Variants in PTPN1 observed in about 807,000 individuals in gnomAD.
PTPN1 encodes the protein tyrosine-protein phosphatase non-receptor type 1.
A neutral mutation model predicts 59.9 loss-of-function variants in PTPN1; 12 were observed. That is an observed-to-expected ratio of 0.20 (90% CI 0.13 to 0.32). The LOEUF (loss-of-function observed/expected upper bound fraction) is 0.32. Among genes scored for constraint, PTPN1 ranks in the 10% least tolerant of loss-of-function variants. The pLI is 1.00. For missense variants in PTPN1, 356 were observed against 549.2 expected (o/e 0.65, Z 3.52); for synonymous variants, 178 against 203.6 (o/e 0.87, Z 1.07).
chr20:50,538,803 C>T (rs1277903040), intron 1 of PTPN1, among the ~76,000 whole-genome samples: 1 of 152,062 alleles, frequency 6.6e-6, no homozygotes, highest in Admixed American at 6.6e-5. Context: ...AGCTAATATT[C>T]ATTTCTTCTC....
At chr20:50,569,646 T>G (rs1003274068) in intron 4 of PTPN1, among the ~76,000 whole-genome samples, 3 of 152,002 alleles carry the variant, frequency 2.0e-5, no homozygotes, top group Non-Finnish European at 2.9e-5. Flanking sequence ...GTGTAGACTG[T>G]CCTGTGTAGA....
At chr20:50,534,772 C>T (rs1242234316) in intron 1 of PTPN1, among the ~76,000 whole-genome samples, 1 of 152,096 alleles carries the variant, frequency 6.6e-6, no homozygotes, top group Non-Finnish European at 1.5e-5. Context: ...GTCACCCAGG[C>T]TGGAGTGCAG....
intron 1 of PTPN1, among the ~76,000 whole-genome samples, chr20:50,513,809 T>G (rs1325557530): frequency 1.3e-5 from 2 of 152,202 alleles, no homozygotes; most frequent in Non-Finnish European, 2.9e-5. Context: ...GCCAATAATG[T>G]TTATTTAAAT....
intron 1 of PTPN1, among the ~76,000 whole-genome samples, chr20:50,555,926 G>GA (rs1184966598): frequency 6.6e-6 from 1 of 152,058 alleles, no homozygotes; most frequent in Non-Finnish European, 1.5e-5. Flanking sequence ...CAGCTGGACT[G>GA]ACCAGATTGT....
At chr20:50,574,778 G>A in intron 5 of PTPN1, 124 bp downstream of exon 5, 1 of 1,291,982 alleles carries the variant, frequency 7.7e-7, no homozygotes, top group African/African-American at 1.5e-5. Flanking sequence ...AGCAAGATGT[G>A]GTTTGGGCAC....
Position 50,552,101 on chromosome 20 carries a change from G to C in PTPN1, c.64-9262G>C, listed in dbSNP as rs370859078. 2.9e-4 allele frequency among the ~76,000 whole-genome samples: 44 copies of C among 152,256 alleles called. No individual in the cohort carries two copies. In the East Asian group the frequency reaches 6.6e-3, roughly 23 times the overall value. On this transcript the variant is annotated intron_variant, in intron 1 of 9. Coordinates refer to ENST00000371621, the MANE Select transcript of PTPN1 (RefSeq NM_002827.4). The stretch of plus-strand genomic sequence containing the variant: ...TAGCTGTTGGAAACGTAGCTCCCCT[G>C]TGATACAGTTGTAGAATACAGAAAT...
At chr20:50,538,459 G>C (rs549927907) in intron 1 of PTPN1, among the ~76,000 whole-genome samples, 8 of 152,330 alleles carry the variant, frequency 5.3e-5, no homozygotes, top group African/African-American at 1.9e-4. Flanking sequence ...GTGACTGTCA[G>C]AGTGATGTGT....
chr20:50,532,334 A>G (rs1247706814), intron 1 of PTPN1, among the ~76,000 whole-genome samples: 2 of 152,196 alleles, frequency 1.3e-5, no homozygotes, highest in African/African-American at 4.8e-5. Context: ...TATTATTTAC[A>G]GAGTGTCCCC....
At chr20:50,512,292 C>T (rs2082510960) in intron 1 of PTPN1, among the ~76,000 whole-genome samples, 1 of 152,138 alleles carries the variant, frequency 6.6e-6, no homozygotes, top group East Asian at 1.9e-4. Context: ...TTATGATACA[C>T]CCCATCACAG....
intron 1 of PTPN1, among the ~76,000 whole-genome samples, chr20:50,548,746 C>T (rs565248695): frequency 8.5e-5 from 13 of 152,236 alleles, no homozygotes; most frequent in South Asian, 8.3e-4. Flanking sequence ...GAGGGAGTCT[C>T]GCTCTGTCGT....
chr20:50,547,657 C>T (rs571454970), intron 1 of PTPN1, among the ~76,000 whole-genome samples: 53 of 152,312 alleles, frequency 3.5e-4, no homozygotes, highest in African/African-American at 1.1e-3. Flanking sequence ...CCACTGCACC[C>T]GGCCGTGTTA....
intron 1 of PTPN1, among the ~76,000 whole-genome samples, chr20:50,526,893 C>T (rs1424042478): frequency 7.2e-5 from 11 of 152,022 alleles, no homozygotes; most frequent in Non-Finnish European, 4.4e-5. Flanking sequence ...GGCTCCTAAG[C>T]GCTGCTGGAA....
intron 1 of PTPN1, among the ~76,000 whole-genome samples, chr20:50,541,765 G>A (rs991044438): frequency 6.6e-5 from 10 of 152,132 alleles, no homozygotes; most frequent in Admixed American, 5.2e-4. Flanking sequence ...CAACAGTGCC[G>A]GAACAGACTA....
chr20:50,534,721 A>G (rs1259335506), intron 1 of PTPN1, among the ~76,000 whole-genome samples: 1 of 151,618 alleles, frequency 6.6e-6, no homozygotes, highest in Non-Finnish European at 1.5e-5. Context: ...CTCCAACTTA[A>G]TCCTTATCCT....
rs756295171 is a variant in PTPN1, at chr20:50,561,443, C to T, written c.144C>T (p.Asp48=). ...PKNKNRNRYR[D]VSPFDHSRIK... ...ACAAAAACCGAAATAGGTACAGAGA[C>T]GTCAGTCCCTGTAAGTATCCACGTG... The change falls in exon 2 of 10, where the codon GAC becomes GAT. Residue 48 remains aspartate (D), a synonymous_variant. Coordinates refer to ENST00000371621, the MANE Select transcript of PTPN1 (RefSeq NM_002827.4). 25 of 1,607,440 alleles carry T rather than the reference C, an allele frequency of 1.6e-5. No individual in the cohort carries two copies. In the South Asian group the frequency reaches 1.8e-4, roughly 11 times the overall value.
intron 3 of PTPN1, among the ~76,000 whole-genome samples, chr20:50,566,917 G>T (rs777624079): frequency 6.6e-6 from 1 of 152,158 alleles, no homozygotes; most frequent in South Asian, 2.1e-4. Context: ...CATGTGCCAC[G>T]GGATTTCTGG....
chr20:50,529,359 A>G (rs1268950177), intron 1 of PTPN1, among the ~76,000 whole-genome samples: 3 of 152,246 alleles, frequency 2.0e-5, no homozygotes, highest in African/African-American at 7.2e-5. Context: ...TGCAGGAAGC[A>G]AAGCTCTTGT....
chr20:50,530,287 CTTATT>C (rs1245940285), intron 1 of PTPN1, among the ~76,000 whole-genome samples: 6 of 150,360 alleles, frequency 4.0e-5, no homozygotes, highest in African/African-American at 1.5e-4. Flanking sequence ...CTTTCTGTTA[CTTATT>C]TTAACAGTAA....
chr20:50,563,977 T>A (rs529911247), intron 2 of PTPN1, among the ~76,000 whole-genome samples: 1 of 152,316 alleles, frequency 6.6e-6, no homozygotes, highest in African/African-American at 2.4e-5. Context: ...ATACTTTCAG[T>A]GTTTGGGCTT....
Sources: gnomAD v4.1 joint callset for allele counts (sites outside exome capture counted in the v4.1 genomes callset) on GRCh38, gnomAD v4.1.1 for gene constraint, MANE v1.5 for transcripts, NCBI Gene and HGNC (gene_info 2026-07-23, HGNC 2026-07-21) for gene names.